HLTF: variants seen among roughly 807,000 people sequenced by gnomAD.
HLTF encodes DNA-dependent ATPase/E3 ubiquitin-protein ligase HLTF.
A neutral mutation model predicts 129.4 loss-of-function variants in HLTF; 127 were observed. The ratio of observed to expected loss-of-function variants is 0.98; its 90% CI spans 0.85 to 1.14. The LOEUF is 1.14. Among genes scored for constraint, HLTF ranks in the 50% most tolerant of loss-of-function variants. HLTF has a pLI of 0.00. For missense variants in HLTF, 1,139 were observed against 1,187.1 expected (o/e 0.96, Z 0.60); for synonymous variants, 332 against 388.8 (o/e 0.85, Z 1.72).
Position 149,048,081 on chromosome 3 carries a change from C to T in HLTF, c.1839G>A (p.Trp613Ter), listed in dbSNP as rs1393264365. The change falls in exon 17 of 25, where the codon TGG becomes TGA. Residue 613 changes from tryptophan to a stop codon, truncating the protein, a stop_gained. Coordinates refer to ENST00000310053, the MANE Select transcript of HLTF (RefSeq NM_003071.4). LOFTEE classifies it high-confidence loss of function. Reference protein sequence around the residue: ...LKLKPFIDREWWHRTIQRPVT... With the variant: ...LKLKPFIDRE ...CAGGACGCTGTATTGTTCTATGCCA[C>T]CATTCTCTATCAATAAATGGTTTAA... 6.2e-7 allele frequency: 1 copy of T among 1,613,012 alleles called. No individual in the cohort carries two copies. The highest frequency in any genetic ancestry group is 8.5e-7 in the Non-Finnish European group (1 of 1,179,376).
chr3:149,056,950 A>T (rs112491635), intron 13 of HLTF, among the ~76,000 whole-genome samples: 3,774 of 151,000 alleles, frequency 0.025, 166 homozygotes, highest in African/African-American at 0.088. Context: ...TCTACTAAAA[A>T]TACAAAAAAT....
At chr3:149,076,412 T>G (rs77740858) in intron 2 of HLTF, among the ~76,000 whole-genome samples, 1 of 152,318 alleles carries the variant, frequency 6.6e-6, no homozygotes, top group Admixed American at 6.5e-5. Context: ...TTGCACAGAC[T>G]GACTTTTTAA....
intron 23 of HLTF, among the ~76,000 whole-genome samples, chr3:149,038,579 T>TGAAA (rs1715846872): frequency 6.6e-6 from 1 of 152,168 alleles, no homozygotes; most frequent in Admixed American, 6.5e-5. Flanking sequence ...CATGGCTCAC[T>TGAAA]GAAACTTCAA....
intron 13 of HLTF, among the ~76,000 whole-genome samples, chr3:149,056,433 T>A (rs1005809073): frequency 6.6e-6 from 1 of 152,216 alleles, no homozygotes; most frequent in African/African-American, 2.4e-5. Flanking sequence ...ATTTCTGAGT[T>A]TTTAAAAAAT....
chr3:149,078,453 G>A (rs1211496430), intron 2 of HLTF, among the ~76,000 whole-genome samples: 1 of 152,146 alleles, frequency 6.6e-6, no homozygotes, highest in Non-Finnish European at 1.5e-5. Context: ...AGGAGTCTGA[G>A]GTGGGAGGAC....
At position 149,048,913 on chromosome 3, in the gene HLTF, T is replaced by G. The variant is rs1454059203; in HGVS notation, c.1706A>C (p.Gln569Pro). 6.2e-7 allele frequency: 1 copy of G among 1,613,530 alleles called. No individual in the cohort carries two copies. Among genetic ancestry groups the G allele is most frequent in the South Asian group, 1.1e-5 (1 of 91,074 alleles). ...TTCTAAGTCAAGTACAGCTTTTGTC[T>G]GCTGAGCATTTGGATTTCGTATGGC... is the stretch of plus-strand genomic sequence containing the variant. ...GHAIRNPNAQ[Q>P]TKAVLDLESE... is the part of the protein sequence containing the mutation. Residue 569 changes from glutamine to proline, a missense_variant, in exon 16 of 25, where the codon CAG (glutamine) becomes CCG (proline). Physicochemically the swap from Gln to Pro is moderately conservative, Grantham distance 76. Coordinates refer to ENST00000310053, the MANE Select transcript of HLTF (RefSeq NM_003071.4).
In HLTF at chr3:149,034,395, A is replaced by G. The variant is rs114911279; in HGVS notation, c.2877+523T>C. ...GTAGAGTAGTCAAATTCAGAGAAAG[A>G]AAGTAGAATGGTAGTTGCCAGGGGC... On this transcript the variant is annotated intron_variant, in intron 24 of 24. Coordinates refer to ENST00000310053, the MANE Select transcript of HLTF (RefSeq NM_003071.4). Among the ~76,000 whole-genome samples, 1,295 of 152,274 alleles carry G rather than the reference A, an allele frequency of 8.5e-3. 17 individuals are homozygous for G. Among genetic ancestry groups the G allele is most frequent in the African/African-American group, 0.029 (1,225 of 41,568 alleles).
At chr3:149,034,894 A>G in intron 24 of HLTF, 24 bp downstream of exon 24, 1 of 1,510,878 alleles carries the variant, frequency 6.6e-7, no homozygotes, top group Non-Finnish European at 9.2e-7. Flanking sequence ...ACCTAGTCTT[A>G]AAATAGTTTG....
chr3:149,032,397 A>G (rs1449862046), intron 24 of HLTF, 25 bp from the exon 25 acceptor site: 2 of 1,390,638 alleles, frequency 1.4e-6, no homozygotes. Context: ...AAAAAAGTTA[A>G]GTAGTTTTTA....
intron 13 of HLTF, 101 bp from the exon 14 acceptor site, chr3:149,055,501 G>T: frequency 1.3e-6 from 1 of 759,036 alleles, no homozygotes; most frequent in Non-Finnish European, 2.2e-6. Context: ...AGATAAATTA[G>T]GAACAATTAA....
intron 18 of HLTF, among the ~76,000 whole-genome samples, 178 bp downstream of exon 18, chr3:149,045,902 G>A (rs1467411995): frequency 6.6e-6 from 1 of 152,054 alleles, no homozygotes; most frequent in African/African-American, 2.4e-5. Context: ...CTTACCTGGT[G>A]AATTATACTA....
intron 5 of HLTF, among the ~76,000 whole-genome samples, chr3:149,071,949 A>G (rs1718909226): frequency 1.3e-5 from 2 of 152,242 alleles, no homozygotes; most frequent in Admixed American, 6.5e-5. Flanking sequence ...GCTCCTAGGG[A>G]TGCTGAGATG....
At chr3:149,066,467 T>C (rs2108032010) in intron 8 of HLTF, among the ~76,000 whole-genome samples, 1 of 152,200 alleles carries the variant, frequency 6.6e-6, no homozygotes, top group East Asian at 1.9e-4. Context: ...TCTAGGGGAA[T>C]TTAAATCAAT....
At position 149,039,129 on chromosome 3, in the gene HLTF, T is replaced by G. The variant is rs751898526; in HGVS notation, c.2716A>C (p.Thr906Pro). 6.2e-7 allele frequency: 1 copy of G among 1,612,712 alleles called. No homozygotes were observed. Among genetic ancestry groups the G allele is most frequent in the Non-Finnish European group, 8.5e-7 (1 of 1,179,364 alleles). The change falls in exon 23 of 25, where the codon ACT becomes CCT. Residue 906 changes from threonine to proline, a missense_variant. Transcript: ENST00000310053. ...GCTTTTAAGGACAGAAGCATTATAG[T>G]TGGAGATCCTGCTTCAGTGTTTTGA... is the stretch of plus-strand genomic sequence containing the variant. ...CFQNTEAGSP[T>P]IMLLSLKAGG...
At chr3:149,035,751 T>C (rs1384059675) in intron 23 of HLTF, among the ~76,000 whole-genome samples, 1 of 152,016 alleles carries the variant, frequency 6.6e-6, no homozygotes, top group Non-Finnish European at 1.5e-5. Context: ...GTATCAGTAT[T>C]TGACGTTAGT....
chr3:149,048,433 C>T (rs767048362), intron 16 of HLTF, among the ~76,000 whole-genome samples: 13 of 152,202 alleles, frequency 8.5e-5, no homozygotes, highest in Non-Finnish European at 1.6e-4. Flanking sequence ...TTATCAAGTA[C>T]ATCTGCTTAT....
chr3:149,074,013 C>T lies in HLTF; in HGVS notation c.529+202G>A, dbSNP rs147642409. On this transcript the variant is annotated intron_variant, in intron 4 of 24. Transcript: ENST00000310053. ...TTTTTTTAATATCCCCTCACTCTTA[C>T]TGTGTATATTTTTATGTGTGAATCT... is the stretch of plus-strand genomic sequence containing the variant. Among the ~76,000 whole-genome samples the T allele has an allele frequency of 1.4e-3, 211 of 151,998 alleles. 4 individuals are homozygous for T. The East Asian group carries it at 0.033, about 24-fold the overall frequency.
At chr3:149,082,281 A>ACC (rs1166787122) in intron 2 of HLTF, among the ~76,000 whole-genome samples, 3 of 152,118 alleles carry the variant, frequency 2.0e-5, no homozygotes, top group Admixed American at 2.0e-4. Context: ...ACACGGTGAA[A>ACC]CCCCGTCTCT....
At chr3:149,041,415 T>C (rs1716121868) in intron 20 of HLTF, 75 bp downstream of exon 20, 2 of 921,778 alleles carry the variant, frequency 2.2e-6, no homozygotes, top group African/African-American at 1.7e-5. Flanking sequence ...AAACTCCATA[T>C]ACTATCTTTT....
Sources: allele counts gnomAD v4.1 joint callset (sites outside exome capture counted in the v4.1 genomes callset), GRCh38; gene constraint gnomAD v4.1.1; transcripts MANE v1.5; gene names NCBI Gene and HGNC (gene_info 2026-07-23, HGNC 2026-07-21).